PHAX: variants seen among roughly 807,000 people sequenced by gnomAD.
The protein encoded by PHAX is phosphorylated adapter RNA export protein.
A neutral mutation model predicts 41.6 loss-of-function variants in PHAX; 31 were observed. That is an observed-to-expected ratio of 0.75 (90% CI 0.56 to 1.01). The LOEUF is 1.01. PHAX is among the 50% of genes least tolerant of loss of function. The pLI is 0.00. For missense variants in PHAX, 453 were observed against 472.9 expected, an observed-to-expected ratio of 0.96 and a Z score of 0.39; for synonymous variants, 175 against 164.9, an observed-to-expected ratio of 1.06 and a Z score of -0.47.
At position 126,624,987 on chromosome 5, in the gene PHAX, G is replaced by C; in HGVS notation, c.*143G>C. 1 of 710,718 alleles carries C rather than the reference G, an allele frequency of 1.4e-6. No individual in the cohort carries two copies. 44.0% of individuals were successfully genotyped at this position (710,718 alleles called of 1,614,324 possible). ...TGTTTTCTTGTTTAAAATATGTGTG[G>C]AAAGGAATGCAATTGATAGAACATT... On this transcript the variant is annotated 3_prime_UTR_variant, in exon 5 of 5. Coordinates refer to ENST00000297540, the MANE Select transcript of PHAX (RefSeq NM_032177.4).
At chr5:126,612,941 A>G (rs1752128520) in intron 3 of PHAX, among the ~76,000 whole-genome samples, 1 of 152,234 alleles carries the variant, frequency 6.6e-6, no homozygotes, top group Non-Finnish European at 1.5e-5. Context: ...CAAGGTTTTT[A>G]GCCAGTTTGA....
chr5:126,617,213 A>C lies in PHAX; in HGVS notation c.832-37A>C, dbSNP rs191458650. ...AGATGCCTTGACCATTTATGGGAAG[A>C]GTATATGCAGTTTACCTTTTCTGTT... On this transcript the variant is annotated intron_variant, in intron 3 of 4. Transcript: ENST00000297540. 3.0e-3 allele frequency: 3,925 copies of C among 1,291,252 alleles called. 13 individuals carry two copies. The highest frequency in any genetic ancestry group is 4.0e-3 in the Non-Finnish European group (3,611 of 894,546). 80.0% of individuals were successfully genotyped at this position (1,291,252 alleles called of 1,614,324 possible).
intron 3 of PHAX, among the ~76,000 whole-genome samples, chr5:126,608,867 CCA>C: frequency 6.6e-6 from 1 of 151,218 alleles, no homozygotes; most frequent in South Asian, 2.1e-4. Context: ...ACCTGAGAGA[CCA>C]GAGGTTTCAG....
chr5:126,623,729 A>T (rs765208230), intron 4 of PHAX, among the ~76,000 whole-genome samples: 38 of 152,156 alleles, frequency 2.5e-4, no homozygotes, highest in Non-Finnish European at 4.1e-4. Context: ...AAATTTTAGG[A>T]GAGAGTCTCC....
At chr5:126,605,132 G>A (rs1751969499) in intron 2 of PHAX, among the ~76,000 whole-genome samples, 1 of 151,758 alleles carries the variant, frequency 6.6e-6, no homozygotes, top group Admixed American at 6.6e-5. Flanking sequence ...CAAAGTGCTG[G>A]GATTATATGC....
intron 3 of PHAX, among the ~76,000 whole-genome samples, chr5:126,608,920 G>C (rs1051969236): frequency 6.7e-6 from 1 of 149,050 alleles, no homozygotes; most frequent in Admixed American, 6.8e-5. Context: ...CTGGGCAACA[G>C]GAGCGAAACT....
intron 3 of PHAX, among the ~76,000 whole-genome samples, chr5:126,615,389 C>T (rs1361661618): frequency 2.6e-5 from 4 of 152,082 alleles, no homozygotes; most frequent in South Asian, 2.1e-4. Flanking sequence ...TTGAGTTGTC[C>T]GACATGCACA....
chr5:126,623,519 T>C (rs1046843637), intron 4 of PHAX, among the ~76,000 whole-genome samples: 1 of 152,172 alleles, frequency 6.6e-6, no homozygotes, highest in African/African-American at 2.4e-5. Context: ...GCAAGCCTCA[T>C]TATATTCTGA....
Position 126,611,216 on chromosome 5 carries a change from G to A in PHAX, c.831+2732G>A, listed in dbSNP as rs553552701. Among the ~76,000 whole-genome samples the A allele has an allele frequency of 2.0e-5, 3 of 151,366 alleles. No homozygotes were observed. The South Asian group carries it at 6.2e-4, about 32-fold the overall frequency. On this transcript the variant is annotated intron_variant, in intron 3 of 4. Coordinates refer to ENST00000297540, the MANE Select transcript of PHAX (RefSeq NM_032177.4). ...GATTACAGGCATGCGCCACCACCCC[G>A]GCTAATTTTGTATTTTTAATAGAGA...
At chr5:126,611,790 C>CAA (rs1561680769) in intron 3 of PHAX, among the ~76,000 whole-genome samples, 1 of 120,872 alleles carries the variant, frequency 8.3e-6, no homozygotes, top group Admixed American at 9.0e-5. Flanking sequence ...GACCCTGTCT[C>CAA]GAAAAAAAAA....
intron 2 of PHAX, among the ~76,000 whole-genome samples, chr5:126,605,493 C>A (rs1751974798): frequency 6.6e-6 from 1 of 152,004 alleles, no homozygotes; most frequent in South Asian, 2.1e-4. Context: ...ATGAGAATTG[C>A]TTGAACGTGA....
chr5:126,603,948 A>C lies in PHAX; in HGVS notation c.475A>C (p.Lys159Gln). ...GACCTACAATTATTTGCTTGCCAAG[A>C]AACTTAGGAAGGAATCTCAAGAGCA... is the stretch of plus-strand genomic sequence containing the variant. Reference protein sequence around the residue: ...SETYNYLLAKKLRKESQEHTK... With the variant: ...SETYNYLLAKQLRKESQEHTK... Residue 159 changes from lysine to glutamine, a missense_variant, in exon 2 of 5, where the codon AAA becomes CAA. Coordinates refer to ENST00000297540, the MANE Select transcript of PHAX (RefSeq NM_032177.4). 1.9e-6 allele frequency: 3 copies of C among 1,614,158 alleles called. No individual in the cohort carries two copies. The highest frequency in any genetic ancestry group is 2.5e-6 in the Non-Finnish European group (3 of 1,180,036).
chr5:126,604,222 G>A (rs1338542184), intron 2 of PHAX, 39 bp downstream of exon 2: 1 of 1,473,906 alleles, frequency 6.8e-7, no homozygotes, highest in Non-Finnish European at 9.0e-7. Context: ...TGACCAGATG[G>A]CTTCTATTTA....
chr5:126,601,703 G>A (rs1349525767), intron 1 of PHAX, among the ~76,000 whole-genome samples: 1 of 152,192 alleles, frequency 6.6e-6, no homozygotes, highest in Non-Finnish European at 1.5e-5. Context: ...GTCTCACGCT[G>A]TTGCCCAGGC....
intron 4 of PHAX, among the ~76,000 whole-genome samples, chr5:126,621,876 T>C (rs1752278801): frequency 1.3e-5 from 2 of 152,226 alleles, no homozygotes; most frequent in African/African-American, 4.8e-5. Context: ...TAACAACATG[T>C]TGCAACAACA....
At chr5:126,604,812 G>A (rs1458658001) in intron 2 of PHAX, among the ~76,000 whole-genome samples, 1 of 151,990 alleles carries the variant, frequency 6.6e-6, no homozygotes, top group African/African-American at 2.4e-5. Flanking sequence ...GAGGTGAGTG[G>A]ATCATGAGGT....
intron 3 of PHAX, among the ~76,000 whole-genome samples, chr5:126,609,060 C>T (rs1752036968): frequency 6.8e-6 from 1 of 147,918 alleles, no homozygotes; most frequent in Non-Finnish European, 1.5e-5. Context: ...GTCACCAAAA[C>T]ATTTCTTACA....
At chr5:126,618,816 G>T (rs909895061) in intron 4 of PHAX, among the ~76,000 whole-genome samples, 16 of 151,886 alleles carry the variant, frequency 1.1e-4, no homozygotes, top group African/African-American at 3.9e-4. Flanking sequence ...GCGCCACCAC[G>T]CCCAGCTAAT....
Position 126,625,565 on chromosome 5 carries a change from C to G in PHAX, c.*721C>G, listed in dbSNP as rs1752335746. On this transcript the variant is annotated 3_prime_UTR_variant, in exon 5 of 5. Transcript: ENST00000297540. ...TGAGCTGAGATCGTACCACTGTACT[C>G]CAGCCTGGGCGACAGAGCAAGACTC... is the stretch of plus-strand genomic sequence containing the variant. 6.6e-6 allele frequency: 1 copy of G among 150,404 alleles called. No homozygotes were observed. Among genetic ancestry groups the G allele is most frequent in the Admixed American group, 6.7e-5 (1 of 15,032 alleles). The allele number at this position is 150,404 out of a possible 1,614,324, so 9.3% of individuals were successfully genotyped here.
Sources: gnomAD v4.1 joint callset for allele counts (sites outside exome capture counted in the v4.1 genomes callset) on GRCh38, gnomAD v4.1.1 for gene constraint, MANE v1.5 for transcripts, NCBI Gene and HGNC (gene_info 2026-07-23, HGNC 2026-07-21) for gene names.